The following MAN2A1 variants were observed in gnomAD, a reference collection of about 807,000 sequenced individuals.
MAN2A1 encodes mannosidase alpha class 2A member 1.
A neutral mutation model predicts 142.6 loss-of-function variants in MAN2A1; 76 were observed. The observed-to-expected ratio is 0.53, with a 90% confidence interval of 0.44 to 0.65. The LOEUF is 0.65. MAN2A1 is among the 30% of genes least tolerant of loss of function. The pLI, the probability that MAN2A1 is intolerant of heterozygous loss-of-function variation, is 0.00. For missense variants in MAN2A1, 1,311 were observed against 1,365.1 expected (o/e 0.96, Z 0.62); for synonymous variants, 559 against 473.2 (o/e 1.18, Z -2.35).
At chr5:109,805,608 T>C in intron 12 of MAN2A1, among the ~76,000 whole-genome samples, 1 of 152,306 alleles carries the variant, frequency 6.6e-6, no homozygotes, top group Non-Finnish European at 1.5e-5. Flanking sequence ...GACCCTTGCA[T>C]GAGAGTCAGA....
At chr5:109,860,432 C>G (rs978116963) in intron 20 of MAN2A1, among the ~76,000 whole-genome samples, 9 of 152,150 alleles carry the variant, frequency 5.9e-5, no homozygotes, top group African/African-American at 2.2e-4. Flanking sequence ...TAGGTATTTT[C>G]AAAGAATCTG....
chr5:109,700,280 G>A (rs557272620), intron 1 of MAN2A1, among the ~76,000 whole-genome samples: 172 of 100,888 alleles, frequency 1.7e-3, no homozygotes, highest in African/African-American at 7.5e-3. Flanking sequence ...AAGTTTTGCC[G>A]GTTTTTTTTT....
At chr5:109,696,592 G>A (rs1750818909) in intron 1 of MAN2A1, among the ~76,000 whole-genome samples, 1 of 152,106 alleles carries the variant, frequency 6.6e-6, no homozygotes, top group African/African-American at 2.4e-5. Context: ...TGCGTTGTAG[G>A]GTGTCTAGCA....
At chr5:109,761,025 T>C (rs961591986) in intron 5 of MAN2A1, among the ~76,000 whole-genome samples, 16 of 151,778 alleles carry the variant, frequency 1.1e-4, no homozygotes, top group Non-Finnish European at 2.2e-4. Context: ...TTTTTAGTGG[T>C]ATCTTTTTCA....
At chr5:109,806,882 T>C (rs181859146) in intron 12 of MAN2A1, among the ~76,000 whole-genome samples, 1 of 152,314 alleles carries the variant, frequency 6.6e-6, no homozygotes, top group East Asian at 1.9e-4. Context: ...GCTCATAATA[T>C]TTTGTCCATG....
intron 20 of MAN2A1, among the ~76,000 whole-genome samples, chr5:109,861,533 T>A (rs1755760051): frequency 6.6e-6 from 1 of 152,238 alleles, no homozygotes; most frequent in African/African-American, 2.4e-5. Context: ...ATTGTCTGTT[T>A]GCCAGGCATT....
chr5:109,716,090 A>G, intron 2 of MAN2A1, 30 bp from the exon 3 acceptor site: 1 of 1,494,682 alleles, frequency 6.7e-7, no homozygotes, highest in Non-Finnish European at 9.2e-7. Flanking sequence ...TAATTGTTAA[A>G]CTTTAATTTT....
At chr5:109,755,111 G>A (rs1364565219) in intron 4 of MAN2A1, among the ~76,000 whole-genome samples, 3 of 152,172 alleles carry the variant, frequency 2.0e-5, no homozygotes, top group African/African-American at 4.8e-5. Flanking sequence ...TGACCTGCGT[G>A]GCTTTTCCTG....
rs947668281 is a variant in MAN2A1, at chr5:109,692,081, A to G, written c.135+1529A>G. The stretch of plus-strand genomic sequence containing the variant: ...AATGTCCTTTGGCTTTGGCTTGATG[A>G]TCACTTGAAAATGGTTTATGCAAAC... On this transcript the variant is annotated intron_variant, in intron 1 of 21. Transcript: ENST00000261483. Among the ~76,000 whole-genome samples, 5 of 152,284 alleles carry G rather than the reference A, an allele frequency of 3.3e-5. 1 individual carries two copies. Among genetic ancestry groups the G allele is most frequent in the Admixed American group, 3.3e-4 (5 of 15,308 alleles).
At chr5:109,737,924 G>A (rs1752152064) in intron 4 of MAN2A1, among the ~76,000 whole-genome samples, 1 of 152,186 alleles carries the variant, frequency 6.6e-6, no homozygotes, top group South Asian at 2.1e-4. Flanking sequence ...TTGGAAAGTT[G>A]AATAGCAGAT....
chr5:109,793,767 G>C, intron 12 of MAN2A1, among the ~76,000 whole-genome samples: 1 of 152,120 alleles, frequency 6.6e-6, no homozygotes, highest in Non-Finnish European at 1.5e-5. Context: ...TGGATATTGG[G>C]TGAATGTTCA....
chr5:109,833,274 C>T (rs548359796), intron 16 of MAN2A1, among the ~76,000 whole-genome samples: 13 of 152,112 alleles, frequency 8.5e-5, no homozygotes, highest in Admixed American at 5.9e-4. Flanking sequence ...GGGTGGCGGC[C>T]GGGCAGAGGC....
intron 19 of MAN2A1, chr5:109,854,922 T>A: frequency 5.3e-6 from 2 of 376,380 alleles, no homozygotes; most frequent in Non-Finnish European, 9.3e-6. Context: ...GGAAGATATA[T>A]TTTAAACATA....
At position 109,737,092 on chromosome 5, in the gene MAN2A1, C is replaced by CTTTTTTTT. The variant is rs10686903; in HGVS notation, c.707+7591_707+7598dup. 3.6e-5 allele frequency among the ~76,000 whole-genome samples: 4 copies of CTTTTTTTT among 112,158 alleles called. 1 individual carries two copies. Among genetic ancestry groups the CTTTTTTTT allele is most frequent in the East Asian group, 2.7e-4 (1 of 3,768 alleles). 73.6% of individuals were successfully genotyped at this position (112,158 alleles called of 152,430 possible). A position where few individuals can be genotyped will look rare whatever the true frequency, so the allele number is the denominator to read the frequency against. On this transcript the variant is annotated intron_variant, in intron 4 of 21. Coordinates refer to ENST00000261483, the MANE Select transcript of MAN2A1 (RefSeq NM_002372.4). ...GGCCATAGAATATGGACTGTATACT[C>CTTTTTTTT]TTTTTTTTTTTTTTTTTTTGAGACT...
At chr5:109,860,753 T>A (rs1384830459) in intron 20 of MAN2A1, among the ~76,000 whole-genome samples, 1 of 152,162 alleles carries the variant, frequency 6.6e-6, no homozygotes, top group East Asian at 1.9e-4. Flanking sequence ...ATGGCTCAAA[T>A]CCTATTTGAA....
At position 109,784,801 on chromosome 5, in the gene MAN2A1, T is replaced by C. The variant is rs1420777276; in HGVS notation, c.1635T>C (p.Asn545=). 1 of 1,611,770 alleles carries C rather than the reference T, an allele frequency of 6.2e-7. No homozygotes were observed. The highest frequency in any genetic ancestry group is 1.7e-5 in the Admixed American group (1 of 59,590). ...ALRQAHKYKI[N]KFLSSSLYTA... ...GACAAGCTCACAAATACAAGATAAA[T>C]AAATTTCTCTCATCATCACTTTACA... The change falls in exon 10 of 22, where the codon AAT becomes AAC. Residue 545 remains asparagine (N), a synonymous_variant. Coordinates refer to ENST00000261483, the MANE Select transcript of MAN2A1 (RefSeq NM_002372.4).
intron 16 of MAN2A1, among the ~76,000 whole-genome samples, chr5:109,826,599 T>C (rs1166059077): frequency 2.6e-5 from 4 of 152,238 alleles, no homozygotes; most frequent in African/African-American, 9.6e-5. Context: ...CTTAGTAATC[T>C]TCATGACTCA....
intron 3 of MAN2A1, 80 bp downstream of exon 3, chr5:109,716,344 G>A: frequency 1.7e-6 from 2 of 1,154,094 alleles, no homozygotes; most frequent in Non-Finnish European, 2.4e-6. Context: ...TCTGGTAGAG[G>A]CCACTTCTCA....
intron 7 of MAN2A1, among the ~76,000 whole-genome samples, chr5:109,771,002 C>T (rs1431872637): frequency 4.6e-5 from 7 of 152,126 alleles, no homozygotes; most frequent in Admixed American, 2.6e-4. Flanking sequence ...CTTCCCAGCT[C>T]TGGTGTATAC....
Sources: allele counts gnomAD v4.1 joint callset (sites outside exome capture counted in the v4.1 genomes callset), GRCh38; gene constraint gnomAD v4.1.1; transcripts MANE v1.5; gene names NCBI Gene and HGNC (gene_info 2026-07-23, HGNC 2026-07-21).